The following RSF1 variants were observed in gnomAD, a reference collection of about 807,000 sequenced individuals.
RSF1 encodes the protein HBV pX-associated protein 8.
Under a neutral mutation model 145.2 loss-of-function variants are expected in RSF1, and 13 were observed. The observed-to-expected ratio is 0.09, with a 90% CI of 0.06 to 0.14. The LOEUF is 0.14. Ranked by LOEUF, RSF1 falls within the 10% of genes least tolerant of loss-of-function variation. The probability of loss-of-function intolerance (pLI) is 1.00; values close to 1 mark genes in which losing one functional copy is unlikely to be tolerated. For synonymous variants in RSF1, 577 were observed against 592.6 expected, an observed-to-expected ratio of 0.97 and a Z score of 0.38; for missense variants, 1,517 against 1,718.2, an observed-to-expected ratio of 0.88 and a Z score of 2.07.
chr11:77,676,815 C>T lies in RSF1; in HGVS notation c.3318G>A (p.Glu1106=). The T allele has an allele frequency of 6.2e-7, 1 of 1,613,800 alleles. No homozygotes were observed. The change falls in exon 13 of 16, where the codon GAG becomes GAA. Residue 1106 remains glutamate (E), a synonymous_variant. Transcript: ENST00000308488. ...ACCCATCACTGATCTTGAATTCATC[C>T]TCGCTCTCTTCTTCATCCAGGTTGC... ...SDSNLDEEES[E]DEFKISDGSQ... is the part of the protein sequence containing the mutation.
At chr11:77,823,621 C>CAAAA (rs397970373), upstream of RSF1, among the ~76,000 whole-genome samples, 44 of 97,506 alleles carry the variant, frequency 4.5e-4, no homozygotes, top group African/African-American at 5.3e-4. Context: ...CACCCTGTCT[C>CAAAA]AAAAAAAAAA....
At chr11:77,829,379 T>G in the RSF1 span, among the ~76,000 whole-genome samples, 2 of 152,228 alleles carry the variant, frequency 1.3e-5, no homozygotes, top group Non-Finnish European at 1.5e-5. Context: ...TTATGGTATT[T>G]TTTATAGTAG....
At chr11:77,754,086 T>C (rs1288885352) in intron 2 of RSF1, among the ~76,000 whole-genome samples, 1 of 152,220 alleles carries the variant, frequency 6.6e-6, no homozygotes, top group Non-Finnish European at 1.5e-5. Context: ...GGTAAAACTC[T>C]TCCACTATTG....
At chr11:77,699,460 C>T (rs1302966617) in intron 6 of RSF1, among the ~76,000 whole-genome samples, 1 of 151,910 alleles carries the variant, frequency 6.6e-6, no homozygotes, top group Non-Finnish European at 1.5e-5. Flanking sequence ...AACACAGGAT[C>T]ACTTACAATG....
intron 5 of RSF1, among the ~76,000 whole-genome samples, chr11:77,722,812 A>G (rs1169297937): frequency 1.3e-5 from 2 of 152,220 alleles, no homozygotes; most frequent in African/African-American, 4.8e-5. Context: ...ATTATCTACT[A>G]TAAGGCCCCA....
chr11:77,843,933 T>C, the RSF1 span, among the ~76,000 whole-genome samples: 1 of 152,112 alleles, frequency 6.6e-6, no homozygotes, highest in Non-Finnish European at 1.5e-5. Context: ...AGAGAAACTC[T>C]CGTTTTTAAA....
At position 77,701,540 on chromosome 11, in the gene RSF1, G is replaced by C. The variant is rs775943822; in HGVS notation, c.1689C>G (p.Thr563=). 1 of 1,613,836 alleles carries C rather than the reference G, an allele frequency of 6.2e-7. No homozygotes were observed. The highest frequency in any genetic ancestry group is 1.3e-5 in the African/African-American group (1 of 74,936). ...KTALSSTESC[T]MKGEEKSPKT... ...TGGGAGACTTCTCTTCACCTTTCAT[G>C]GTACACGACTCGGTGGAAGATAAAG... Residue 563 remains threonine (T), a synonymous_variant, in exon 6 of 16, where the codon ACC becomes ACG. Coordinates refer to ENST00000308488, the MANE Select transcript of RSF1 (RefSeq NM_016578.4).
chr11:77,744,334 A>AT (rs1228602414), intron 3 of RSF1, among the ~76,000 whole-genome samples: 2 of 149,608 alleles, frequency 1.3e-5, no homozygotes, highest in Admixed American at 6.6e-5. Context: ...TGGCTTATTT[A>AT]TTTTTTAAAG....
intron 7 of RSF1, among the ~76,000 whole-genome samples, chr11:77,695,683 G>C (rs1419977252): frequency 6.6e-6 from 1 of 151,980 alleles, no homozygotes; most frequent in Non-Finnish European, 1.5e-5. Flanking sequence ...ATTTCTTCAA[G>C]AAGCCCTAGC....
chr11:77,852,890 T>C, the RSF1 span, among the ~76,000 whole-genome samples: 2 of 152,348 alleles, frequency 1.3e-5, no homozygotes, highest in Middle Eastern at 6.8e-3. Flanking sequence ...TTTTTACCAC[T>C]GTATAGTAAC....
chr11:77,673,385 C>T (rs1412226487), intron 14 of RSF1, among the ~76,000 whole-genome samples: 4 of 152,112 alleles, frequency 2.6e-5, no homozygotes, highest in African/African-American at 9.7e-5. Flanking sequence ...TAAATTCCAC[C>T]GAAGTACGAC....
the RSF1 span, among the ~76,000 whole-genome samples, chr11:77,837,886 C>A: frequency 6.6e-6 from 1 of 151,910 alleles, no homozygotes; most frequent in South Asian, 2.1e-4. Context: ...GAGACCCTGG[C>A]TCTAAAAATA....
intron 5 of RSF1, among the ~76,000 whole-genome samples, chr11:77,721,930 C>T (rs946322203): frequency 3.9e-5 from 6 of 152,114 alleles, no homozygotes; most frequent in African/African-American, 9.7e-5. Context: ...CCCAGAACTT[C>T]GGAGGGCTGA....
intron 1 of RSF1, among the ~76,000 whole-genome samples, chr11:77,804,324 G>C (rs1436402475): frequency 6.6e-6 from 1 of 152,168 alleles, no homozygotes; most frequent in Non-Finnish European, 1.5e-5. Flanking sequence ...CAGAACCTGA[G>C]GTGGGTTATG....
intron 4 of RSF1, among the ~76,000 whole-genome samples, chr11:77,726,615 A>G (rs768023350): frequency 2.6e-5 from 4 of 152,226 alleles, no homozygotes. Flanking sequence ...GAAGATAAAA[A>G]GCAGGCCCTG....
chr11:77,798,034 T>C (rs989236251), intron 1 of RSF1, among the ~76,000 whole-genome samples: 8 of 152,020 alleles, frequency 5.3e-5, no homozygotes, highest in East Asian at 1.9e-4. Flanking sequence ...GTGGAGAAAA[T>C]AGGAATGCTT....
chr11:77,731,965 G>A (rs1229998645), intron 4 of RSF1, among the ~76,000 whole-genome samples: 1 of 152,206 alleles, frequency 6.6e-6, no homozygotes, highest in Non-Finnish European at 1.5e-5. Flanking sequence ...CCACCTAGTG[G>A]AGCTGTGAGA....
At chr11:77,714,824 G>C (rs1960768190) in intron 5 of RSF1, among the ~76,000 whole-genome samples, 1 of 151,718 alleles carries the variant, frequency 6.6e-6, no homozygotes, top group African/African-American at 2.4e-5. Flanking sequence ...CCTGGAGACA[G>C]AGCATAAACC....
chr11:77,711,613 T>A (rs940507481), intron 5 of RSF1, among the ~76,000 whole-genome samples: 5 of 152,218 alleles, frequency 3.3e-5, no homozygotes, highest in Admixed American at 1.3e-4. Flanking sequence ...GAGGTTGCAG[T>A]GAGCCCAGAT....
Sources: allele counts gnomAD v4.1 joint callset (sites outside exome capture counted in the v4.1 genomes callset), GRCh38; gene constraint gnomAD v4.1.1; transcripts MANE v1.5; gene names NCBI Gene and HGNC (gene_info 2026-07-23, HGNC 2026-07-21).